Variants in OPCML observed in about 807,000 individuals in gnomAD.
OPCML encodes opioid-binding protein/cell adhesion molecule.
In OPCML, 13 loss-of-function variants were observed where a neutral mutation model predicts 37.8. The observed-to-expected ratio is 0.34, with a 90% CI of 0.22 to 0.55. The LOEUF is 0.55. Ranked by LOEUF, OPCML falls within the 20% of genes least tolerant of loss-of-function variation. The pLI is 0.91. For missense variants in OPCML, 341 were observed against 435.6 expected, an observed-to-expected ratio of 0.78 and a Z score of 1.93; for synonymous variants, 176 against 168.8, an observed-to-expected ratio of 1.04 and a Z score of -0.33.
chr11:133,390,411 C>T (rs1264299625), intron 1 of OPCML, among the ~76,000 whole-genome samples: 2 of 152,038 alleles, frequency 1.3e-5, no homozygotes, highest in African/African-American at 4.8e-5. Flanking sequence ...TGCAGCGAGC[C>T]GAGATCGCGC....
chr11:132,583,667 A>T (rs1395178164), intron 3 of OPCML, among the ~76,000 whole-genome samples: 1 of 151,544 alleles, frequency 6.6e-6, no homozygotes, highest in African/African-American at 2.4e-5. Flanking sequence ...CCCAGGCTGG[A>T]GTGTAATGGC....
intron 1 of OPCML, among the ~76,000 whole-genome samples, chr11:133,469,460 T>C (rs920400627): frequency 6.6e-6 from 1 of 152,206 alleles, no homozygotes; most frequent in African/African-American, 2.4e-5. Flanking sequence ...AGTTCACACA[T>C]GATGACATGT....
intron 1 of OPCML, among the ~76,000 whole-genome samples, chr11:133,525,580 C>T (rs760953931): frequency 2.6e-5 from 4 of 152,212 alleles, no homozygotes; most frequent in Admixed American, 1.3e-4. Context: ...CTCACAGTCT[C>T]TTAGTGAGGA....
chr11:133,123,910 G>A (rs547973283), intron 1 of OPCML, among the ~76,000 whole-genome samples: 1 of 152,248 alleles, frequency 6.6e-6, no homozygotes, highest in East Asian at 1.9e-4. Context: ...GGGATATACT[G>A]AGCGGTCTCT....
chr11:132,885,193 C>T (rs1459902761), intron 2 of OPCML, among the ~76,000 whole-genome samples: 2 of 152,192 alleles, frequency 1.3e-5, no homozygotes, highest in South Asian at 2.1e-4. Context: ...CTCTGCAGAA[C>T]AGAATGGTGG....
intron 2 of OPCML, among the ~76,000 whole-genome samples, chr11:132,738,534 A>G (rs529914236): frequency 1.2e-4 from 18 of 152,188 alleles, no homozygotes; most frequent in Non-Finnish European, 1.8e-4. Context: ...AACTTGTAAC[A>G]TGAAAGTCTG....
At chr11:133,340,935 T>C (rs913340210) in intron 1 of OPCML, among the ~76,000 whole-genome samples, 3 of 152,206 alleles carry the variant, frequency 2.0e-5, no homozygotes, top group African/African-American at 7.2e-5. Flanking sequence ...CCTGTCTCTG[T>C]TGAATACCAG....
intron 1 of OPCML, among the ~76,000 whole-genome samples, chr11:132,954,135 G>GTTTTGTTTGT (rs1210705266): frequency 2.0e-3 from 254 of 127,514 alleles, no homozygotes; most frequent in African/African-American, 6.8e-3. Context: ...TTTTTTGTTT[G>GTTTTGTTTGT]TTTTTTTGTT....
At chr11:132,956,961 T>G (rs1253801391) in intron 1 of OPCML, among the ~76,000 whole-genome samples, 1 of 152,254 alleles carries the variant, frequency 6.6e-6, no homozygotes, top group South Asian at 2.1e-4. Context: ...CAAGATCCTA[T>G]CTCTACGAAA....
intron 1 of OPCML, among the ~76,000 whole-genome samples, chr11:133,040,946 T>C (rs1947881217): frequency 6.6e-6 from 1 of 152,132 alleles, no homozygotes; most frequent in African/African-American, 2.4e-5. Flanking sequence ...AACATCTTCT[T>C]ACCTGCTAGA....
At chr11:133,186,486 G>A (rs1309875822) in intron 1 of OPCML, among the ~76,000 whole-genome samples, 1 of 148,082 alleles carries the variant, frequency 6.8e-6, no homozygotes, top group Admixed American at 6.9e-5. Flanking sequence ...ATACAGGAGA[G>A]ATGAGAGAGT....
At chr11:132,504,498 C>T (rs1390870650) in intron 4 of OPCML, among the ~76,000 whole-genome samples, 2 of 152,180 alleles carry the variant, frequency 1.3e-5, no homozygotes, top group Admixed American at 1.3e-4. Context: ...CATGAGGGTG[C>T]AGTCATGATA....
intron 1 of OPCML, among the ~76,000 whole-genome samples, chr11:133,164,327 G>A (rs937383396): frequency 2.0e-5 from 3 of 152,132 alleles, no homozygotes; most frequent in Non-Finnish European, 2.9e-5. Context: ...CCTCTCTTGC[G>A]GGGTCAGTAT....
chr11:132,723,572 C>T (rs979910247), intron 2 of OPCML, among the ~76,000 whole-genome samples: 8 of 151,926 alleles, frequency 5.3e-5, no homozygotes, highest in African/African-American at 1.5e-4. Context: ...TTTAATGAAA[C>T]GTATCATAGA....
chr11:133,333,264 G>A (rs1234793819), intron 1 of OPCML, among the ~76,000 whole-genome samples: 1 of 152,030 alleles, frequency 6.6e-6, no homozygotes, highest in Non-Finnish European at 1.5e-5. Flanking sequence ...TCACCATGTT[G>A]CCCAGGCTGG....
chr11:132,846,164 A>G (rs1265979735), intron 2 of OPCML, among the ~76,000 whole-genome samples: 1 of 152,206 alleles, frequency 6.6e-6, no homozygotes, highest in Non-Finnish European at 1.5e-5. Context: ...TCTTCCTTCC[A>G]GGGTTACAGA....
At chr11:133,213,373 A>G (rs1294582519) in intron 1 of OPCML, among the ~76,000 whole-genome samples, 1 of 152,178 alleles carries the variant, frequency 6.6e-6, no homozygotes, top group Non-Finnish European at 1.5e-5. Flanking sequence ...ACATAACCTC[A>G]TTGCATAATG....
chr11:132,871,138 A>G (rs561695531), intron 2 of OPCML, among the ~76,000 whole-genome samples: 3 of 152,120 alleles, frequency 2.0e-5, no homozygotes, highest in African/African-American at 7.2e-5. Flanking sequence ...GTATATGTAT[A>G]TATTCCAAAA....
At chr11:133,105,153 T>C (rs1341858046) in intron 1 of OPCML, among the ~76,000 whole-genome samples, 1 of 152,168 alleles carries the variant, frequency 6.6e-6, no homozygotes, top group African/African-American at 2.4e-5. Context: ...CTTGCTGAGA[T>C]GGTGGCTAAA....
Sources: allele counts gnomAD v4.1 joint callset (sites outside exome capture counted in the v4.1 genomes callset), GRCh38; gene constraint gnomAD v4.1.1; transcripts MANE v1.5; gene names NCBI Gene and HGNC (gene_info 2026-07-23, HGNC 2026-07-21).